The following UBE2D3 variants were observed in gnomAD, a reference collection of about 807,000 sequenced individuals.
UBE2D3 encodes the protein ubiquitin-conjugating enzyme E2 D3.
A neutral mutation model predicts 22.8 loss-of-function variants in UBE2D3; 2 were observed. That is an observed-to-expected ratio of 0.09 (90% CI 0.04 to 0.28). The LOEUF (loss-of-function observed/expected upper bound fraction) is 0.28. Ranked by LOEUF, UBE2D3 falls within the 10% of genes least tolerant of loss-of-function variation. The pLI is 1.00. For missense variants in UBE2D3, 27 were observed against 182.5 expected, an observed-to-expected ratio of 0.15 and a Z score of 4.91; for synonymous variants, 56 against 60.4, an observed-to-expected ratio of 0.93 and a Z score of 0.34.
rs568021528 is a variant in UBE2D3, at chr4:102,794,753, C to T, written c.*2662G>A. On this transcript the variant is annotated 3_prime_UTR_variant, in exon 8 of 8. Coordinates refer to ENST00000453744, the MANE Select transcript of UBE2D3 (RefSeq NM_181891.3). ...ATACTTTAAAATGTGAGTACACCCA[C>T]ACAAGAAAGCAAATTAATCAGTTTT... 1.3e-5 allele frequency: 2 copies of T among 152,034 alleles called. No individual in the cohort carries two copies. Among genetic ancestry groups the T allele is most frequent in the Admixed American group, 1.3e-4 (2 of 15,254 alleles). The allele number at this position is 152,034 out of a possible 1,614,324, so 9.4% of individuals were successfully genotyped here. A position where few individuals can be genotyped will look rare whatever the true frequency, so the allele number is the denominator to read the frequency against.
intron 1 of UBE2D3, among the ~76,000 whole-genome samples, chr4:102,858,797 C>T (rs1052272205): frequency 2.6e-5 from 4 of 151,822 alleles, no homozygotes; most frequent in Non-Finnish European, 4.4e-5. Flanking sequence ...TACAAAAACT[C>T]GACACTTTAA....
intron 1 of UBE2D3, among the ~76,000 whole-genome samples, chr4:102,859,477 C>T (rs1337908078): frequency 6.6e-6 from 1 of 151,926 alleles, no homozygotes; most frequent in Non-Finnish European, 1.5e-5. Context: ...AATCATCATG[C>T]TTATGAACCA....
At chr4:102,810,846 A>C (rs572521222) in intron 2 of UBE2D3, 1 of 152,148 alleles carries the variant, frequency 6.6e-6, no homozygotes, top group African/African-American at 2.4e-5. Context: ...AATGTCTAAT[A>C]ATCACAAGTT....
chr4:102,820,889 T>C (rs1030383168), intron 2 of UBE2D3, among the ~76,000 whole-genome samples: 26 of 152,264 alleles, frequency 1.7e-4, no homozygotes, highest in African/African-American at 6.0e-4. Context: ...TGATTCACAA[T>C]TGACAAACAT....
intron 2 of UBE2D3, among the ~76,000 whole-genome samples, chr4:102,819,105 C>A (rs527358336): frequency 2.0e-5 from 3 of 152,020 alleles, no homozygotes; most frequent in African/African-American, 7.2e-5. Flanking sequence ...CCAAGGCAGG[C>A]GGATCACCTG....
intron 5 of UBE2D3, chr4:102,802,291 G>C (rs1363623092): frequency 1.1e-5 from 3 of 268,102 alleles, no homozygotes; most frequent in Admixed American, 1.1e-4. Context: ...CCAAAAATCA[G>C]AATCTGTGTA....
At chr4:102,800,646 A>G (rs1457144407) in intron 6 of UBE2D3, among the ~76,000 whole-genome samples, 1 of 152,086 alleles carries the variant, frequency 6.6e-6, no homozygotes, top group East Asian at 1.9e-4. Flanking sequence ...CATCTGCCTA[A>G]GTTGTTTCTT....
At chr4:102,844,067 CCCTA>C (rs1046840706) in intron 1 of UBE2D3, 7 of 152,152 alleles carry the variant, frequency 4.6e-5, no homozygotes, top group African/African-American at 1.7e-4. Flanking sequence ...TAATTGGCAT[CCCTA>C]CCTAATTAAA....
At chr4:102,812,143 T>C (rs1728147442) in intron 2 of UBE2D3, 1 of 157,832 alleles carries the variant, frequency 6.3e-6, no homozygotes, top group Non-Finnish European at 1.4e-5. Context: ...CAAATCTTAA[T>C]TTAACAAGGC....
intron 2 of UBE2D3, among the ~76,000 whole-genome samples, chr4:102,814,608 T>C (rs1728540122): frequency 1.3e-5 from 2 of 151,878 alleles, no homozygotes; most frequent in South Asian, 2.1e-4. Flanking sequence ...AGGCCTGCAG[T>C]CTTACTTTTA....
At chr4:102,842,473 T>C (rs923056012) in intron 1 of UBE2D3, among the ~76,000 whole-genome samples, 1 of 151,656 alleles carries the variant, frequency 6.6e-6, no homozygotes, top group African/African-American at 2.4e-5. Flanking sequence ...GGAGAATCAA[T>C]TGAGGCCAGG....
At chr4:102,817,975 G>A (rs1729018397) in intron 2 of UBE2D3, among the ~76,000 whole-genome samples, 1 of 152,170 alleles carries the variant, frequency 6.6e-6, no homozygotes, top group Non-Finnish European at 1.5e-5. Context: ...GAAATTTTCA[G>A]CTTATTCCTT....
At chr4:102,848,084 G>A (rs1732139392) in intron 1 of UBE2D3, among the ~76,000 whole-genome samples, 1 of 152,154 alleles carries the variant, frequency 6.6e-6, no homozygotes, top group Non-Finnish European at 1.5e-5. Flanking sequence ...GCATAAACGG[G>A]TTAAGTACTT....
intron 4 of UBE2D3, among the ~76,000 whole-genome samples, chr4:102,804,553 T>C (rs973773285): frequency 6.6e-6 from 1 of 152,184 alleles, no homozygotes; most frequent in African/African-American, 2.4e-5. Context: ...CTTTATTAAA[T>C]AGTTATATTA....
chr4:102,818,294 G>A (rs775422751), intron 2 of UBE2D3, among the ~76,000 whole-genome samples: 2 of 152,172 alleles, frequency 1.3e-5, no homozygotes, highest in Non-Finnish European at 2.9e-5. Context: ...TCCACAGAGT[G>A]CTCTTTTAGG....
rs146178936 is a variant in UBE2D3, at chr4:102,859,821, A to G, written c.-129+8894T>C. Among the ~76,000 whole-genome samples the G allele has an allele frequency of 1.3e-4, 19 of 149,714 alleles. No individual in the cohort carries two copies. In the East Asian group the frequency reaches 3.7e-3, roughly 29 times the overall value. ...CACTTTTGAATTTTTCAGTTCAGTTATTGTGTTCTTTAGTTTCAGAATTTG... is the reference window on the plus strand; with the variant it reads ...CACTTTTGAATTTTTCAGTTCAGTTGTTGTGTTCTTTAGTTTCAGAATTTG... On this transcript the variant is annotated intron_variant, in intron 1 of 7. Transcript: ENST00000338145.
intron 1 of UBE2D3, among the ~76,000 whole-genome samples, chr4:102,860,705 G>A (rs1247828021): frequency 6.6e-6 from 1 of 151,918 alleles, no homozygotes; most frequent in Non-Finnish European, 1.5e-5. Flanking sequence ...CTAGTGCAGT[G>A]CCTCAGAGTG....
In UBE2D3 at chr4:102,797,457, G is replaced by A; in HGVS notation, c.402C>T (p.Tyr134=). ...ARIYKTDRDK[Y]NRISREWTQK... is the part of the protein sequence containing the mutation. The stretch of plus-strand genomic sequence containing the variant: ...GAGTCCATTCCCGAGATATTCTGTT[G>A]TACCTGTAAATAAAGATGTTATTTT... The change falls in exon 8 of 8, where the codon TAC becomes TAT. Residue 134 remains tyrosine, a synonymous_variant. Coordinates refer to ENST00000453744, the MANE Select transcript of UBE2D3 (RefSeq NM_181891.3). 11 of 1,603,040 alleles carry A rather than the reference G, an allele frequency of 6.9e-6. No homozygotes were observed. The highest frequency in any genetic ancestry group is 1.3e-5 in the African/African-American group (1 of 74,484).
At chr4:102,822,762 T>TGCATCTACTAAAAAAACAAAAAAATTA (rs1729820076) in intron 2 of UBE2D3, among the ~76,000 whole-genome samples, 1 of 147,268 alleles carries the variant, frequency 6.8e-6, no homozygotes, top group Non-Finnish European at 1.5e-5. Context: ...GGTGAAACCC[T>TGCATCTACTAAAAAAACAAAAAAATTA]GCCTCTACTA....
Sources: allele counts gnomAD v4.1 joint callset (sites outside exome capture counted in the v4.1 genomes callset), GRCh38; gene constraint gnomAD v4.1.1; transcripts MANE v1.5; gene names NCBI Gene and HGNC (gene_info 2026-07-23, HGNC 2026-07-21).